The following GCLM variants were observed in gnomAD, a reference collection of about 807,000 sequenced individuals.
GCLM encodes the protein glutamate--cysteine ligase regulatory subunit.
In GCLM, 15 loss-of-function variants were observed where a neutral mutation model predicts 36.0. The ratio of observed to expected loss-of-function variants is 0.42; its 90% CI spans 0.28 to 0.64. The LOEUF is 0.64. Ranked by LOEUF, GCLM falls within the 30% of genes least tolerant of loss-of-function variation. GCLM has a pLI of 0.25. For missense variants in GCLM, 242 were observed against 325.5 expected (o/e 0.74, Z 1.97); for synonymous variants, 129 against 122.8 (o/e 1.05, Z -0.34).
At chr1:93,902,599 C>A (rs959989328) in intron 2 of GCLM, among the ~76,000 whole-genome samples, 2 of 152,042 alleles carry the variant, frequency 1.3e-5, no homozygotes, top group African/African-American at 4.8e-5. Context: ...CACACAGCCT[C>A]CCCCATTATC....
intron 6 of GCLM, 143 bp from the exon 7 acceptor site, chr1:93,889,302 C>A (rs1465462169): frequency 4.2e-6 from 2 of 480,990 alleles, no homozygotes; most frequent in Non-Finnish European, 7.1e-6. Flanking sequence ...CATGTGTGTG[C>A]TATGAATCTG....
At chr1:93,907,165 A>C (rs1657174111) in intron 1 of GCLM, among the ~76,000 whole-genome samples, 1 of 152,208 alleles carries the variant, frequency 6.6e-6, no homozygotes, top group Admixed American at 6.5e-5. Context: ...TCTTTTACAT[A>C]GAAACAAAAT....
chr1:93,896,929 T>C, intron 4 of GCLM, 109 bp from the exon 5 acceptor site: 2 of 668,698 alleles, frequency 3.0e-6, no homozygotes, highest in Non-Finnish European at 5.3e-6. Flanking sequence ...TTCACTTGTT[T>C]TCAAAATAAC....
At chr1:93,907,432 G>A (rs1195573175) in intron 1 of GCLM, among the ~76,000 whole-genome samples, 1 of 152,080 alleles carries the variant, frequency 6.6e-6, no homozygotes, top group Non-Finnish European at 1.5e-5. Context: ...CGGTATAAGG[G>A]CTAATATCTT....
At chr1:93,907,446 G>A (rs1262161505) in intron 1 of GCLM, among the ~76,000 whole-genome samples, 1 of 152,122 alleles carries the variant, frequency 6.6e-6, no homozygotes, top group Non-Finnish European at 1.5e-5. Flanking sequence ...ATATCTTTTT[G>A]TGAAACCTGT....
chr1:93,904,338 A>G, intron 2 of GCLM, 185 bp downstream of exon 2: 1 of 580,216 alleles, frequency 1.7e-6, no homozygotes. Context: ...AGAGTTGCCT[A>G]CGGTCTAGAT....
At chr1:93,902,968 TC>T (rs769133202) in intron 2 of GCLM, among the ~76,000 whole-genome samples, 6 of 152,232 alleles carry the variant, frequency 3.9e-5, no homozygotes, top group Non-Finnish European at 7.3e-5. Flanking sequence ...CAGATTGGCT[TC>T]TTTTACTTAG....
chr1:93,900,335 C>A (rs1449317116), intron 3 of GCLM, among the ~76,000 whole-genome samples: 1 of 149,572 alleles, frequency 6.7e-6, no homozygotes, highest in Non-Finnish European at 1.5e-5. Flanking sequence ...ATTTTGATAC[C>A]TATAAAAAAA....
chr1:93,898,508 T>C (rs968324985), intron 3 of GCLM, among the ~76,000 whole-genome samples: 12 of 152,216 alleles, frequency 7.9e-5, no homozygotes, highest in Admixed American at 5.9e-4. Flanking sequence ...TTCTTTACTT[T>C]TAAAAATTTT....
At chr1:93,892,988 G>T (rs1169357770) in intron 6 of GCLM, among the ~76,000 whole-genome samples, 1 of 152,158 alleles carries the variant, frequency 6.6e-6, no homozygotes, top group African/African-American at 2.4e-5. Flanking sequence ...CAATTTGTTA[G>T]ATTTTCACTA....
intron 2 of GCLM, among the ~76,000 whole-genome samples, chr1:93,902,844 C>T (rs1657011228): frequency 7.8e-6 from 1 of 127,728 alleles, no homozygotes; most frequent in Non-Finnish European, 1.6e-5. Context: ...TAACCCCTGG[C>T]AACAACTGAT....
chr1:93,901,804 G>A (rs1041944477), intron 2 of GCLM, 135 bp from the exon 3 acceptor site: 38 of 573,986 alleles, frequency 6.6e-5, no homozygotes, highest in Non-Finnish European at 1.1e-4. Flanking sequence ...TGAGGTCTGG[G>A]TGGGCTTCAC....
Position 93,909,275 on chromosome 1 carries a change from C to G in GCLM, c.-112G>C, listed in dbSNP as rs1168807307. The G allele has an allele frequency of 1.9e-6, 2 of 1,062,816 alleles. No homozygotes were observed. The highest frequency in any genetic ancestry group is 3.4e-5 in the African/African-American group (2 of 59,352). The allele number at this position is 1,062,816 out of a possible 1,614,324, so 65.8% of individuals were successfully genotyped here. ...GGCCCGAGAGAGACCCGAGAGGGAG[C>G]GCGAGGCTGCCGGCGCCGCGCGGCT... On this transcript the variant is annotated 5_prime_UTR_variant, in exon 1 of 7. Coordinates refer to ENST00000370238, the MANE Select transcript of GCLM (RefSeq NM_002061.4).
chr1:93,896,513 C>T, intron 5 of GCLM, 105 bp downstream of exon 5: 1 of 840,552 alleles, frequency 1.2e-6, no homozygotes, highest in Non-Finnish European at 2.0e-6. Flanking sequence ...GTGGAAAAGT[C>T]ACCCCGCAGG....
At chr1:93,896,519 G>T in intron 5 of GCLM, 99 bp downstream of exon 5, 1 of 932,458 alleles carries the variant, frequency 1.1e-6, no homozygotes, top group Non-Finnish European at 1.7e-6. Context: ...AAGTCACCCC[G>T]CAGGGGTGGC....
intron 2 of GCLM, 130 bp downstream of exon 2, chr1:93,904,393 G>A: frequency 1.5e-6 from 1 of 686,142 alleles, no homozygotes; most frequent in Non-Finnish European, 2.7e-6. Context: ...TGCCGTCTCA[G>A]CAAATCAACC....
chr1:93,905,260 G>T (rs1176276750), intron 1 of GCLM, among the ~76,000 whole-genome samples: 1 of 151,366 alleles, frequency 6.6e-6, no homozygotes, highest in Non-Finnish European at 1.5e-5. Flanking sequence ...CAGGCTGTCT[G>T]ACTAGAATTC....
In GCLM at chr1:93,888,953, T is replaced by C; in HGVS notation, c.*37A>G. The C allele has an allele frequency of 7.1e-7, 1 of 1,414,986 alleles. No individual in the cohort carries two copies. Among genetic ancestry groups the C allele is most frequent in the Non-Finnish European group, 9.5e-7 (1 of 1,047,256 alleles). The allele number at this position is 1,414,986 out of a possible 1,614,324, so 87.7% of individuals were successfully genotyped here. ...TACACATCTCAATTTTCTCTCATAT[T>C]GAAGGAAATTACAGGTAAGTTATGC... On this transcript the variant is annotated 3_prime_UTR_variant, in exon 7 of 7. Coordinates refer to ENST00000370238, the MANE Select transcript of GCLM (RefSeq NM_002061.4).
At chr1:93,900,947 T>G (rs1054059525) in intron 3 of GCLM, among the ~76,000 whole-genome samples, 6 of 152,166 alleles carry the variant, frequency 3.9e-5, no homozygotes, top group Non-Finnish European at 5.9e-5. Flanking sequence ...TCAGGGAGGT[T>G]AAAGTCTTTG....
Sources: allele counts gnomAD v4.1 joint callset (sites outside exome capture counted in the v4.1 genomes callset), GRCh38; gene constraint gnomAD v4.1.1; transcripts MANE v1.5; gene names NCBI Gene and HGNC (gene_info 2026-07-23, HGNC 2026-07-21).